Variants in SAMSN1 observed in about 807,000 individuals in gnomAD.
The protein encoded by SAMSN1 is SAM domain, SH3 domain and nuclear localization signals 1, also known as SAM domain-containing protein SAMSN-1.
A neutral mutation model predicts 42.0 loss-of-function variants in SAMSN1; 31 were observed. The observed-to-expected ratio is 0.74, with a 90% CI of 0.55 to 1.00. The LOEUF is 1.00. Ranked by LOEUF, SAMSN1 falls within the 50% of genes least tolerant of loss-of-function variation. The probability of loss-of-function intolerance (pLI) is 0.00; values close to 1 mark genes in which losing one functional copy is unlikely to be tolerated. For synonymous variants in SAMSN1, 178 were observed against 151.9 expected (o/e 1.17, Z -1.26); for missense variants, 464 against 439.4 (o/e 1.06, Z -0.50).
chr21:14,616,481 A>G (rs1982840741), intron 2 of SAMSN1, among the ~76,000 whole-genome samples: 1 of 152,166 alleles, frequency 6.6e-6, no homozygotes, highest in Non-Finnish European at 1.5e-5. Context: ...GTAGCCTATC[A>G]CAATACCCTC....
At chr21:14,524,046 G>A (rs956694634) in intron 1 of SAMSN1, among the ~76,000 whole-genome samples, 4 of 152,052 alleles carry the variant, frequency 2.6e-5, no homozygotes, top group African/African-American at 9.7e-5. Context: ...ATTTATATTT[G>A]TTCATTATTC....
intron 1 of SAMSN1, chr21:14,583,298 A>G: frequency 5.9e-6 from 1 of 170,768 alleles, no homozygotes; most frequent in Non-Finnish European, 1.2e-5. Context: ...ATGAAAATCA[A>G]AGTTGCATGC....
intron 1 of SAMSN1, among the ~76,000 whole-genome samples, chr21:14,523,609 A>T (rs1978639284): frequency 6.6e-6 from 1 of 152,194 alleles, no homozygotes; most frequent in African/African-American, 2.4e-5. Context: ...ATCTGAACAC[A>T]CAGAAATCTA....
At chr21:14,586,404 C>T (rs934992874), upstream of SAMSN1, among the ~76,000 whole-genome samples, 2 of 151,666 alleles carry the variant, frequency 1.3e-5, no homozygotes, top group Admixed American at 6.6e-5. Context: ...TAGTAACATA[C>T]CTTTTAAATT....
intron 2 of SAMSN1, among the ~76,000 whole-genome samples, chr21:14,577,048 CTTTTTTTTTT>C (rs991163598): frequency 5.8e-4 from 32 of 54,916 alleles, no homozygotes; most frequent in African/African-American, 2.3e-3. Context: ...GCATCCGTTT[CTTTTTTTTTT>C]TTTTTTTTTT....
chr21:14,532,029 C>T (rs1041636786), intron 1 of SAMSN1, among the ~76,000 whole-genome samples: 1 of 151,978 alleles, frequency 6.6e-6, no homozygotes, highest in Non-Finnish European at 1.5e-5. Flanking sequence ...ATGAGTGTGT[C>T]TGATGCATGA....
At chr21:14,608,741 C>A (rs928561963) in intron 5 of SAMSN1, among the ~76,000 whole-genome samples, 1 of 152,116 alleles carries the variant, frequency 6.6e-6, no homozygotes, top group Non-Finnish European at 1.5e-5. Flanking sequence ...TAGAATAGGG[C>A]ACTAGGCAAA....
chr21:14,563,376 G>T (rs1347518956), intron 2 of SAMSN1, among the ~76,000 whole-genome samples: 1 of 152,122 alleles, frequency 6.6e-6, no homozygotes, highest in Non-Finnish European at 1.5e-5. Flanking sequence ...ACTTCACTTT[G>T]TTTTGAATGC....
At chr21:14,498,263 T>C (rs1986991476) in intron 7 of SAMSN1, among the ~76,000 whole-genome samples, 179 bp downstream of exon 7, 1 of 152,248 alleles carries the variant, frequency 6.6e-6, no homozygotes, top group Non-Finnish European at 1.5e-5. Context: ...TAAGTTCCTT[T>C]TCCTAATTAC....
At chr21:14,583,819 C>T, upstream of SAMSN1, 1 of 697,670 alleles carries the variant, frequency 1.4e-6, no homozygotes. Flanking sequence ...TTATTCCTCA[C>T]AAAAGATTAA....
At chr21:14,601,417 C>T (rs999656820) in intron 6 of SAMSN1, among the ~76,000 whole-genome samples, 2 of 152,062 alleles carry the variant, frequency 1.3e-5, no homozygotes, top group East Asian at 1.9e-4. Context: ...TCCACTGCAC[C>T]GAAGAAGTTC....
intron 1 of SAMSN1, among the ~76,000 whole-genome samples, chr21:14,541,401 T>C (rs1980020646): frequency 6.6e-6 from 1 of 152,076 alleles, no homozygotes; most frequent in Non-Finnish European, 1.5e-5. Context: ...CAAGGGTGTA[T>C]TACCCTGTAG....
At chr21:14,617,899 G>C (rs1299987731) in intron 2 of SAMSN1, among the ~76,000 whole-genome samples, 1 of 152,210 alleles carries the variant, frequency 6.6e-6, no homozygotes, top group East Asian at 1.9e-4. Flanking sequence ...ATAGTCTCCT[G>C]TATCACCTGG....
chr21:14,654,127 A>C (rs1983877978), intron 1 of SAMSN1, among the ~76,000 whole-genome samples: 1 of 152,040 alleles, frequency 6.6e-6, no homozygotes, highest in South Asian at 2.1e-4. Flanking sequence ...AAAAAGATAT[A>C]ATTAGTCTAG....
Position 14,486,023 on chromosome 21 carries a change from G to A in SAMSN1, c.1011C>T (p.Asp337=), listed in dbSNP as rs1362183605. The A allele has an allele frequency of 6.2e-7, 1 of 1,613,578 alleles. No homozygotes were observed. Among genetic ancestry groups the A allele is most frequent in the Admixed American group, 1.7e-5 (1 of 59,992 alleles). The change falls in exon 8 of 8, where the codon GAC becomes GAT. Residue 337 remains aspartate (D), a synonymous_variant. Coordinates refer to ENST00000400566, the MANE Select transcript of SAMSN1 (RefSeq NM_022136.5). Reference sequence around the variant, plus strand: ...TTCCTGATGAGATATAGCAACCAGAGTCCCTTGGGCAGTCATCTAACTGTG... The same window carrying A: ...TTCCTGATGAGATATAGCAACCAGAATCCCTTGGGCAGTCATCTAACTGTG... ...NKSQLDDCPR[D]SGCYISSGNS...
At chr21:14,570,735 T>A (rs188319386) in intron 2 of SAMSN1, among the ~76,000 whole-genome samples, 6 of 152,320 alleles carry the variant, frequency 3.9e-5, no homozygotes, top group African/African-American at 1.4e-4. Flanking sequence ...CTTTCATCTA[T>A]TTTTCCCTTC....
At chr21:14,563,551 A>T (rs1981013127) in intron 2 of SAMSN1, among the ~76,000 whole-genome samples, 1 of 152,152 alleles carries the variant, frequency 6.6e-6, no homozygotes, top group Non-Finnish European at 1.5e-5. Context: ...TTTAAGGGGA[A>T]AAAAATAAAG....
intron 2 of SAMSN1, among the ~76,000 whole-genome samples, chr21:14,572,060 C>T (rs913279469): frequency 5.9e-5 from 9 of 152,150 alleles, no homozygotes; most frequent in African/African-American, 2.2e-4. Flanking sequence ...GTCTTTGTCA[C>T]CATTGTGGCC....
intron 4 of SAMSN1, among the ~76,000 whole-genome samples, chr21:14,611,729 C>T (rs1449158958): frequency 2.0e-5 from 3 of 152,188 alleles, no homozygotes; most frequent in Non-Finnish European, 4.4e-5. Context: ...CCTATAGATG[C>T]TACTGCTGGG....
Sources: allele counts gnomAD v4.1 joint callset (sites outside exome capture counted in the v4.1 genomes callset), GRCh38; gene constraint gnomAD v4.1.1; transcripts MANE v1.5; gene names NCBI Gene and HGNC (gene_info 2026-07-23, HGNC 2026-07-21).